The following PDZK1 variants were observed in gnomAD, a reference collection of about 807,000 sequenced individuals.
PDZK1 encodes PDZ domain containing 1.
Under a neutral mutation model 38.1 loss-of-function variants are expected in PDZK1, and 23 were observed. That is an observed-to-expected ratio of 0.60 (90% CI 0.43 to 0.85). The LOEUF is 0.85. Among genes scored for constraint, PDZK1 ranks in the 40% least tolerant of loss-of-function variants. PDZK1 has a pLI of 0.00. For synonymous variants in PDZK1, 98 were observed against 186.2 expected, an observed-to-expected ratio of 0.53 and a Z score of 3.86; for missense variants, 297 against 504.3, an observed-to-expected ratio of 0.59 and a Z score of 3.94.
chr1:145,683,003 C>G (rs1384301753), intron 3 of PDZK1, among the ~76,000 whole-genome samples: 1 of 152,116 alleles, frequency 6.6e-6, no homozygotes, highest in African/African-American at 2.4e-5. Context: ...TCCAATGTAC[C>G]AACAAACTGG....
In PDZK1 at chr1:145,679,605, T is replaced by C. The variant is rs1211057970; in HGVS notation, c.794-960A>G. ...GGTGCACATTCCTAACCAAGTCACT[T>C]CCTGGTGCAACAGAATGAGCATGGG... is the stretch of plus-strand genomic sequence containing the variant. On this transcript the variant is annotated intron_variant, in intron 5 of 8. Transcript: ENST00000417171. Among the ~76,000 whole-genome samples, 4 of 152,190 alleles carry C rather than the reference T, an allele frequency of 2.6e-5. No individual in the cohort carries two copies. The East Asian group carries it at 7.7e-4, about 29-fold the overall frequency.
intron 6 of PDZK1, among the ~76,000 whole-genome samples, chr1:145,677,933 A>G (rs1234027436): frequency 1.3e-5 from 2 of 150,338 alleles, no homozygotes; most frequent in African/African-American, 4.9e-5. Context: ...AAAAAAAAAA[A>G]AAAAAACCTT....
intron 8 of PDZK1, among the ~76,000 whole-genome samples, 185 bp downstream of exon 8, chr1:145,672,545 A>T (rs1265922132): frequency 6.6e-6 from 1 of 151,786 alleles, no homozygotes; most frequent in Non-Finnish European, 1.5e-5. Flanking sequence ...CTATGAAAGT[A>T]AGAAATTTGT....
chr1:145,687,718 A>G, intron 2 of PDZK1, 94 bp downstream of exon 2: 1 of 1,105,466 alleles, frequency 9.0e-7, no homozygotes, highest in Non-Finnish European at 1.4e-6. Flanking sequence ...GCCAGGAAAG[A>G]ACCAAACTCT....
At chr1:145,686,780 G>A in intron 2 of PDZK1, 54 bp from the exon 3 acceptor site, 2 of 868,660 alleles carry the variant, frequency 2.3e-6, no homozygotes, top group Non-Finnish European at 3.5e-6. Flanking sequence ...AACTGCCAGA[G>A]GGAAATGCTG....
In PDZK1 at chr1:145,686,641, C is replaced by T. The variant is rs587603913; in HGVS notation, c.296G>A (p.Arg99Gln). ...GDSYEKAVKTRVDLKELGQSQ... is the reference protein window; with the variant it reads ...GDSYEKAVKTQVDLKELGQSQ... Reference sequence around the variant, plus strand: ...TTGACCCAACTCTTTCAAGTCCACCCGTGTTTTCACTGCTTTCTCATAGGA... The same window carrying T: ...TTGACCCAACTCTTTCAAGTCCACCTGTGTTTTCACTGCTTTCTCATAGGA... Residue 99 changes from arginine (R) to glutamine (Q), a missense_variant, in exon 3 of 9, where the codon CGG becomes CAG. Coordinates refer to ENST00000417171, the MANE Select transcript of PDZK1 (RefSeq NM_001201325.2). The T allele has an allele frequency of 3.3e-5, 53 of 1,595,262 alleles. No homozygotes were observed. Among genetic ancestry groups the T allele is most frequent in the Middle Eastern group, 2.3e-4 (1 of 4,398 alleles).
chr1:145,686,857 G>C, intron 2 of PDZK1, 131 bp from the exon 3 acceptor site: 1 of 883,356 alleles, frequency 1.1e-6, no homozygotes, highest in Non-Finnish European at 1.7e-6. Flanking sequence ...AGTAGAAGCA[G>C]GTAGTTCCTC....
At chr1:145,697,948 C>T (rs940234997) in intron 1 of PDZK1, among the ~76,000 whole-genome samples, 8 of 151,512 alleles carry the variant, frequency 5.3e-5, no homozygotes, top group Non-Finnish European at 7.4e-5. Context: ...ATTAAGGAAA[C>T]GATCAGCATG....
At chr1:145,703,963 G>A (rs1656110891) in intron 1 of PDZK1, among the ~76,000 whole-genome samples, 1 of 152,034 alleles carries the variant, frequency 6.6e-6, no homozygotes, top group African/African-American at 2.4e-5. Context: ...TGAGAAGCTG[G>A]GATTGAAGGC....
chr1:145,685,947 G>A (rs1233641300), intron 3 of PDZK1, among the ~76,000 whole-genome samples: 8 of 152,160 alleles, frequency 5.3e-5, no homozygotes, highest in African/African-American at 1.7e-4. Flanking sequence ...AAATGTTACA[G>A]GAGGGTGGAA....
rs2799116 is a variant in PDZK1 at position 145,703,498 on chromosome 1, T to C, written c.-3+3819A>G. Among the ~76,000 whole-genome samples the C allele has an allele frequency of 4.0e-3, 608 of 152,322 alleles. 5 individuals carry two copies. The highest frequency in any genetic ancestry group is 0.014 in the African/African-American group (592 of 41,554). On this transcript the variant is annotated intron_variant, in intron 1 of 8. Transcript: ENST00000417171. ...AAAAAGAAAAGAGACTCTGAAAAGT[T>C]AACTTGGTTTCCCCTGACTATTTGG...
intron 1 of PDZK1, among the ~76,000 whole-genome samples, chr1:145,700,067 T>A (rs1408073702): frequency 6.6e-6 from 1 of 152,186 alleles, no homozygotes; most frequent in Non-Finnish European, 1.5e-5. Context: ...ATTTGAAATT[T>A]TTCCTGATTT....
At chr1:145,695,393 C>T (rs1553703963) in intron 1 of PDZK1, among the ~76,000 whole-genome samples, 1 of 151,472 alleles carries the variant, frequency 6.6e-6, no homozygotes, top group African/African-American at 2.4e-5. Flanking sequence ...TGAACTCCAG[C>T]CCGGGTGACA....
intron 1 of PDZK1, among the ~76,000 whole-genome samples, chr1:145,692,023 G>T (rs1409109959): frequency 1.3e-5 from 2 of 151,720 alleles, no homozygotes; most frequent in Non-Finnish European, 2.9e-5. Context: ...ATTAAATTTT[G>T]CTTTTTTCCA....
intron 8 of PDZK1, among the ~76,000 whole-genome samples, chr1:145,672,082 C>T (rs2624771): frequency 2.0e-5 from 3 of 152,080 alleles, no homozygotes; most frequent in Non-Finnish European, 2.9e-5. Context: ...GTTTACTTTT[C>T]GACCTCAAGT....
At chr1:145,703,596 A>G (rs962228176) in intron 1 of PDZK1, among the ~76,000 whole-genome samples, 3 of 152,004 alleles carry the variant, frequency 2.0e-5, no homozygotes, top group African/African-American at 7.2e-5. Flanking sequence ...CCCAGGCCTG[A>G]GGTGTAGAAT....
intron 1 of PDZK1, among the ~76,000 whole-genome samples, chr1:145,705,179 C>T (rs587614576): frequency 1.3e-5 from 2 of 152,186 alleles, no homozygotes; most frequent in Non-Finnish European, 2.9e-5. Context: ...CAACCTCCAC[C>T]TCCCAGGTTC....
chr1:145,689,934 C>T lies in PDZK1; in HGVS notation c.-2-1911G>A, dbSNP rs587730006. On this transcript the variant is annotated intron_variant, in intron 1 of 8. Transcript: ENST00000417171. The stretch of plus-strand genomic sequence containing the variant: ...CAATACCAGGCCTCTCCTGCAGTCT[C>T]CGCAAAGTCTGAAGCCCCACGCCAC... Among the ~76,000 whole-genome samples the T allele has an allele frequency of 9.2e-5, 14 of 152,292 alleles. 1 individual carries two copies. In the South Asian group the frequency reaches 2.9e-3, roughly 32 times the overall value.
At chr1:145,688,494 GGTGA>G (rs1654989817) in intron 1 of PDZK1, among the ~76,000 whole-genome samples, 1 of 152,114 alleles carries the variant, frequency 6.6e-6, no homozygotes, top group Non-Finnish European at 1.5e-5. Context: ...AACCACACGT[GGTGA>G]GTGTCATGCT....
Sources: gnomAD v4.1 joint callset for allele counts (sites outside exome capture counted in the v4.1 genomes callset) on GRCh38, gnomAD v4.1.1 for gene constraint, MANE v1.5 for transcripts, NCBI Gene and HGNC (gene_info 2026-07-23, HGNC 2026-07-21) for gene names.